The following ATP9B variants were observed in gnomAD, a reference collection of about 807,000 sequenced individuals.
ATP9B encodes probable phospholipid-transporting ATPase IIB.
Under a neutral mutation model 146.1 loss-of-function variants are expected in ATP9B, and 110 were observed. That is an observed-to-expected ratio of 0.75 (90% CI 0.65 to 0.88). The LOEUF (loss-of-function observed/expected upper bound fraction) is 0.88, where lower values mean the gene tolerates loss of function less well. ATP9B is among the 40% of genes least tolerant of loss of function. ATP9B has a pLI of 0.00. For synonymous variants in ATP9B, 604 were observed against 569.7 expected (o/e 1.06, Z -0.86); for missense variants, 1,499 against 1,496.4 (o/e 1.00, Z -0.03).
intron 8 of ATP9B, among the ~76,000 whole-genome samples, chr18:79,190,511 TACAC>T (rs68063845): frequency 0.055 from 7,839 of 143,626 alleles, 276 homozygotes; most frequent in Middle Eastern, 0.13. Flanking sequence ...TTTTTATTTA[TACAC>T]ACACACACAC....
chr18:79,204,060 A>G (rs1230340744), intron 9 of ATP9B, among the ~76,000 whole-genome samples: 1 of 152,204 alleles, frequency 6.6e-6, no homozygotes, highest in African/African-American at 2.4e-5. Flanking sequence ...ATCAAATCAT[A>G]AAAGTCATAG....
Position 79,303,654 on chromosome 18 carries a change from G to A in ATP9B, c.1462G>A (p.Val488Met), listed in dbSNP as rs201117656. ...ATTTAAGCGGCTGCACCTGGGCACC[G>A]TGTCCTATGGCGCCGACACGATGGA... ...MIFKRLHLGT[V>M]SYGADTMDEI... The change falls in exon 14 of 30, where the codon GTG (valine) becomes ATG (methionine). Residue 488 changes from valine to methionine, a missense_variant. Transcript: ENST00000426216. The A allele has an allele frequency of 1.6e-5, 26 of 1,614,004 alleles. No individual in the cohort carries two copies. Among genetic ancestry groups the A allele is most frequent in the Admixed American group, 8.3e-5 (5 of 60,022 alleles).
chr18:79,305,599 T>A (rs925647209), intron 14 of ATP9B, among the ~76,000 whole-genome samples: 1 of 149,682 alleles, frequency 6.7e-6, no homozygotes, highest in Non-Finnish European at 1.5e-5. Context: ...CTCTGCTTTT[T>A]AAAAAAAAAA....
intron 13 of ATP9B, among the ~76,000 whole-genome samples, chr18:79,297,313 A>C (rs757914935): frequency 1.2e-4 from 17 of 137,316 alleles, no homozygotes; most frequent in Non-Finnish European, 2.3e-4. Flanking sequence ...AGAGAGGAGA[A>C]AGAGAGATGA....
intron 1 of ATP9B, among the ~76,000 whole-genome samples, chr18:79,088,485 G>A (rs1180916807): frequency 6.6e-6 from 1 of 152,064 alleles, no homozygotes; most frequent in Non-Finnish European, 1.5e-5. Context: ...GTAATTTTTT[G>A]CCTAAATTAT....
At chr18:79,329,933 AT>A in intron 16 of ATP9B, 78 bp from the exon 17 acceptor site, 1 of 1,288,678 alleles carries the variant, frequency 7.8e-7, no homozygotes, top group Non-Finnish European at 1.1e-6. Flanking sequence ...TTTCCATTGT[AT>A]GTTTTATTAG....
intron 13 of ATP9B, among the ~76,000 whole-genome samples, chr18:79,282,858 G>A (rs2096393161): frequency 1.3e-5 from 2 of 152,154 alleles, no homozygotes; most frequent in South Asian, 4.1e-4. Context: ...TGTGATGTTA[G>A]GCAAATCCTT....
At chr18:79,330,473 C>A (rs192409663) in intron 17 of ATP9B, among the ~76,000 whole-genome samples, 15 of 150,718 alleles carry the variant, frequency 1.0e-4, no homozygotes, top group Admixed American at 9.9e-4. Context: ...AGTGCAGTAG[C>A]GCAATCTTGG....
chr18:79,200,843 A>G (rs945818006), intron 9 of ATP9B, among the ~76,000 whole-genome samples: 11 of 25,802 alleles, frequency 4.3e-4, no homozygotes, highest in Middle Eastern at 0.015. Context: ...CCAGGCCACA[A>G]TGCTCAGTTG....
At chr18:79,289,026 T>C (rs2096473898) in intron 13 of ATP9B, among the ~76,000 whole-genome samples, 1 of 152,150 alleles carries the variant, frequency 6.6e-6, no homozygotes, top group Non-Finnish European at 1.5e-5. Context: ...AACCCGACCT[T>C]TCTCTCTGGC....
intron 8 of ATP9B, among the ~76,000 whole-genome samples, chr18:79,177,819 G>A (rs1283146099): frequency 6.6e-6 from 1 of 152,152 alleles, no homozygotes; most frequent in African/African-American, 2.4e-5. Flanking sequence ...TCTGGGTCAG[G>A]CTTCTCAGTC....
chr18:79,233,595 A>G (rs1409976642), intron 11 of ATP9B, among the ~76,000 whole-genome samples: 1 of 152,110 alleles, frequency 6.6e-6, no homozygotes, highest in Non-Finnish European at 1.5e-5. Context: ...GACCCCACAC[A>G]TGAGGCCACC....
At chr18:79,224,447 A>G (rs1419412934) in intron 11 of ATP9B, among the ~76,000 whole-genome samples, 1 of 152,160 alleles carries the variant, frequency 6.6e-6, no homozygotes, top group Non-Finnish European at 1.5e-5. Flanking sequence ...GTTGCTGAAG[A>G]TGGAGAAGGG....
At position 79,348,145 on chromosome 18, in the gene ATP9B, C is replaced by T. The variant is rs1300777104; in HGVS notation, c.2852C>T (p.Ser951Leu). 4 of 1,612,734 alleles carry T rather than the reference C, an allele frequency of 2.5e-6. No homozygotes were observed. The highest frequency in any genetic ancestry group is 1.3e-5 in the African/African-American group (1 of 74,592). The change falls in exon 25 of 30, where the codon TCA becomes TTA. Residue 951 changes from serine to leucine, a missense_variant. Ser to Leu is a moderately radical substitution (Grantham distance 145, BLOSUM62 -2). Transcript: ENST00000426216. ...CTCTCTCTCCAGGCTGTGTTTTCCT[C>T]AGTCTTCTACTTCGCATCCGTCCCT... ...IISTMQAVFS[S>L]VFYFASVPLY...
chr18:79,139,814 C>A (rs572419667), intron 5 of ATP9B, among the ~76,000 whole-genome samples: 5 of 152,168 alleles, frequency 3.3e-5, no homozygotes, highest in Admixed American at 2.0e-4. Context: ...CGCTTCCCCC[C>A]ACAACTCCCA....
At position 79,337,269 on chromosome 18, in the gene ATP9B, C is replaced by T. The variant is rs1049415646; in HGVS notation, c.2113-10C>T. On this transcript the variant is annotated splice_polypyrimidine_tract_variant and intron_variant, in intron 18 of 29. Transcript: ENST00000426216. The stretch of plus-strand genomic sequence containing the variant: ...CGTGTGCACACAGGCGCCTCCCCCT[C>T]TGTCCCCAGAGCCGATACACTCAAG... 1 of 1,613,588 alleles carries T rather than the reference C, an allele frequency of 6.2e-7. No individual in the cohort carries two copies. Among genetic ancestry groups the T allele is most frequent in the African/African-American group, 1.3e-5 (1 of 74,928 alleles).
intron 11 of ATP9B, among the ~76,000 whole-genome samples, chr18:79,225,375 A>C (rs2095718623): frequency 6.6e-6 from 1 of 152,206 alleles, no homozygotes; most frequent in Non-Finnish European, 1.5e-5. Context: ...CTGTTGCAAA[A>C]CTTTAAAATA....
At chr18:79,314,426 G>T (rs772436705) in intron 15 of ATP9B, among the ~76,000 whole-genome samples, 10 of 152,152 alleles carry the variant, frequency 6.6e-5, no homozygotes, top group Non-Finnish European at 1.5e-4. Context: ...AGATGAATCT[G>T]TATTATACAA....
intron 13 of ATP9B, among the ~76,000 whole-genome samples, chr18:79,299,475 G>A (rs1411522980): frequency 6.6e-6 from 1 of 152,088 alleles, no homozygotes; most frequent in African/African-American, 2.4e-5. Flanking sequence ...CACCACTCCT[G>A]GGAGCAGTCC....
Sources: gnomAD v4.1 joint callset for allele counts (sites outside exome capture counted in the v4.1 genomes callset) on GRCh38, gnomAD v4.1.1 for gene constraint, MANE v1.5 for transcripts, NCBI Gene and HGNC (gene_info 2026-07-23, HGNC 2026-07-21) for gene names.